The following PKN2 variants were observed in gnomAD, a reference collection of about 807,000 sequenced individuals.
PKN2 encodes protein kinase N2.
Under a neutral mutation model 119.1 loss-of-function variants are expected in PKN2, and 38 were observed. The ratio of observed to expected loss-of-function variants is 0.32; its 90% CI spans 0.25 to 0.42. The LOEUF (loss-of-function observed/expected upper bound fraction) is 0.42, where lower values mean the gene tolerates loss of function less well. Among genes scored for constraint, PKN2 ranks in the 10% least tolerant of loss-of-function variants. PKN2 has a pLI of 1.00. For synonymous variants in PKN2, 390 were observed against 384.9 expected, an observed-to-expected ratio of 1.01 and a Z score of -0.15; for missense variants, 850 against 1,165.1, an observed-to-expected ratio of 0.73 and a Z score of 3.94.
Position 88,700,201 on chromosome 1 carries a change from G to T in PKN2, c.48+15573G>T, listed in dbSNP as rs142313821. Among the ~76,000 whole-genome samples the T allele has an allele frequency of 2.4e-4, 36 of 152,116 alleles. No individual in the cohort carries two copies. The East Asian group carries it at 5.6e-3, about 24-fold the overall frequency. ...TGTCTTTGCTATTGTGAATAGTGCT[G>T]CAGTGAACATACACATACATGTATC... On this transcript the variant is annotated intron_variant, in intron 1 of 21. Coordinates refer to ENST00000370521, the MANE Select transcript of PKN2 (RefSeq NM_006256.4).
chr1:88,735,191 C>G (rs1668290964), intron 1 of PKN2, among the ~76,000 whole-genome samples: 1 of 152,156 alleles, frequency 6.6e-6, no homozygotes. Flanking sequence ...CAGGGTCTCA[C>G]TCTGTCCTTC....
intron 2 of PKN2, among the ~76,000 whole-genome samples, chr1:88,747,064 TAGA>T (rs1429142126): frequency 6.6e-6 from 1 of 152,074 alleles, no homozygotes; most frequent in Non-Finnish European, 1.5e-5. Context: ...TTCATTGACG[TAGA>T]AGAGAATGCT....
intron 1 of PKN2, among the ~76,000 whole-genome samples, chr1:88,717,105 G>A (rs1436011322): frequency 3.3e-5 from 5 of 152,084 alleles, no homozygotes; most frequent in Non-Finnish European, 7.4e-5. Flanking sequence ...TTTTCTTTAA[G>A]AATGTTGAAT....
At chr1:88,803,190 G>GT (rs1333373039) in intron 8 of PKN2, among the ~76,000 whole-genome samples, 1 of 152,116 alleles carries the variant, frequency 6.6e-6, no homozygotes, top group African/African-American at 2.4e-5. Context: ...TGCCATAGAC[G>GT]TATTTTTCTA....
At chr1:88,719,545 A>G (rs553651746) in intron 1 of PKN2, among the ~76,000 whole-genome samples, 1 of 152,188 alleles carries the variant, frequency 6.6e-6, no homozygotes, top group African/African-American at 2.4e-5. Context: ...CTGGGCTTTT[A>G]TTTTGTAAGT....
At chr1:88,801,909 A>G (rs530896187) in intron 8 of PKN2, among the ~76,000 whole-genome samples, 1 of 152,358 alleles carries the variant, frequency 6.6e-6, no homozygotes, top group East Asian at 1.9e-4. Flanking sequence ...TCTTAAACTG[A>G]TTACTGATTT....
At chr1:88,752,400 G>A (rs1669039048) in intron 2 of PKN2, among the ~76,000 whole-genome samples, 1 of 152,006 alleles carries the variant, frequency 6.6e-6, no homozygotes. Context: ...GATAAATACA[G>A]TAAGTAAAAT....
chr1:88,734,826 A>G (rs1270573410), intron 1 of PKN2, among the ~76,000 whole-genome samples: 3 of 152,170 alleles, frequency 2.0e-5, no homozygotes, highest in Non-Finnish European at 2.9e-5. Flanking sequence ...AGATATTTGA[A>G]ACTGATAGCA....
chr1:88,797,903 A>G (rs1333801166), intron 8 of PKN2, among the ~76,000 whole-genome samples: 3 of 152,058 alleles, frequency 2.0e-5, no homozygotes, highest in Non-Finnish European at 4.4e-5. Flanking sequence ...CTGACATGGG[A>G]GAATGGTTTG....
At chr1:88,806,788 T>G (rs1431936892) in intron 12 of PKN2, among the ~76,000 whole-genome samples, 1 of 151,984 alleles carries the variant, frequency 6.6e-6, no homozygotes, top group Non-Finnish European at 1.5e-5. Flanking sequence ...GGCATGATCT[T>G]GGCTCACTGC....
chr1:88,710,861 C>T (rs954057933), intron 1 of PKN2, among the ~76,000 whole-genome samples: 1 of 152,116 alleles, frequency 6.6e-6, no homozygotes, highest in Non-Finnish European at 1.5e-5. Context: ...ATGTTCATTG[C>T]AGCACTGTTC....
At chr1:88,832,952 A>G in intron 20 of PKN2, 101 bp downstream of exon 20, 1 of 1,229,688 alleles carries the variant, frequency 8.1e-7, no homozygotes, top group Non-Finnish European at 1.1e-6. Context: ...TTTTCAGTTC[A>G]TAAATGTTGC....
At chr1:88,748,954 A>G (rs570657852) in intron 2 of PKN2, among the ~76,000 whole-genome samples, 2 of 152,238 alleles carry the variant, frequency 1.3e-5, no homozygotes, top group East Asian at 3.9e-4. Context: ...TAAACTGCCA[A>G]ATATATTCTA....
In PKN2 at chr1:88,749,403, C is replaced by CCA. The variant is rs375348028; in HGVS notation, c.349+8115_349+8116insCA. ...CCGGCGACAGTGCGAGACTCCGTCTCAAAAAAAAAAAAAAAAAAATTATTC... is the reference window on the plus strand; with the variant it reads ...CCGGCGACAGTGCGAGACTCCGTCTCCAAAAAAAAAAAAAAAAAAAATTATTC... On this transcript the variant is annotated intron_variant, in intron 2 of 21. Coordinates refer to ENST00000370521, the MANE Select transcript of PKN2 (RefSeq NM_006256.4). 5.1e-5 allele frequency among the ~76,000 whole-genome samples: 6 copies of CCA among 116,790 alleles called. No individual in the cohort carries two copies. In the East Asian group the frequency reaches 7.8e-4, roughly 15 times the overall value. 76.6% of individuals were successfully genotyped at this position (116,790 alleles called of 152,430 possible).
intron 1 of PKN2, among the ~76,000 whole-genome samples, chr1:88,732,946 G>C (rs140326855): frequency 0.015 from 2,242 of 152,250 alleles, 36 homozygotes; most frequent in Non-Finnish European, 0.021. Flanking sequence ...GAATCTAAAA[G>C]GTTGTTCTCA....
chr1:88,804,955 A>T (rs763965588), intron 10 of PKN2, 34 bp downstream of exon 10: 2 of 1,002,210 alleles, frequency 2.0e-6, no homozygotes. Context: ...TAGCATTTTG[A>T]TATTTTCTTA....
At chr1:88,820,048 G>A (rs1035731450) in intron 16 of PKN2, among the ~76,000 whole-genome samples, 8 of 151,402 alleles carry the variant, frequency 5.3e-5, no homozygotes, top group Admixed American at 4.0e-4. Context: ...TGTAGATGAC[G>A]GGTTGATGGG....
chr1:88,789,544 T>A (rs1421880510), intron 8 of PKN2, among the ~76,000 whole-genome samples: 1 of 151,974 alleles, frequency 6.6e-6, no homozygotes, highest in African/African-American at 2.4e-5. Context: ...ACGCCTGTAA[T>A]CCCAGCTACT....
intron 1 of PKN2, 22 bp downstream of exon 1, chr1:88,684,650 A>G: frequency 6.6e-7 from 1 of 1,515,006 alleles, no homozygotes. Context: ...GGCCCTGGTG[A>G]GAGGCGCTGG....
Sources: gnomAD v4.1 joint callset for allele counts (sites outside exome capture counted in the v4.1 genomes callset) on GRCh38, gnomAD v4.1.1 for gene constraint, MANE v1.5 for transcripts, NCBI Gene and HGNC (gene_info 2026-07-23, HGNC 2026-07-21) for gene names.